Variants in SYCP2 observed in about 807,000 individuals in gnomAD.
The protein encoded by SYCP2 is synaptonemal complex lateral element protein.
Under a neutral mutation model 211.3 loss-of-function variants are expected in SYCP2, and 55 were observed. That is an observed-to-expected ratio of 0.26 (90% CI 0.21 to 0.33). SYCP2 has a LOEUF of 0.33. Ranked by LOEUF, SYCP2 falls within the 10% of genes least tolerant of loss-of-function variation. The pLI, the probability that SYCP2 is intolerant of heterozygous loss-of-function variation, is 1.00. For missense variants in SYCP2, 1,731 were observed against 1,752.0 expected (o/e 0.99, Z 0.21); for synonymous variants, 570 against 555.2 (o/e 1.03, Z -0.37).
chr20:59,913,071 CAG>C (rs553146655), intron 12 of SYCP2, among the ~76,000 whole-genome samples: 89 of 152,278 alleles, frequency 5.8e-4, no homozygotes, highest in African/African-American at 2.0e-3. Flanking sequence ...CAAATATGAG[CAG>C]AGTTTCCTAA....
At chr20:59,899,414 G>A (rs1445929742) in intron 18 of SYCP2, among the ~76,000 whole-genome samples, 4 of 152,174 alleles carry the variant, frequency 2.6e-5, no homozygotes, top group Admixed American at 2.0e-4. Flanking sequence ...TAGAGATGCA[G>A]CTATAGAATT....
chr20:59,907,593 G>A (rs936766221), intron 14 of SYCP2, among the ~76,000 whole-genome samples, 169 bp from the exon 15 acceptor site: 9 of 151,376 alleles, frequency 5.9e-5, no homozygotes, highest in African/African-American at 1.9e-4. Context: ...TATTACACAT[G>A]TTATATTTAA....
chr20:59,933,320 A>G (rs1601028652), intron 1 of SYCP2: 1 of 150,814 alleles, frequency 6.6e-6, no homozygotes, highest in African/African-American at 2.4e-5. Context: ...GCTGATGGGG[A>G]GCCTCGCGCC....
At position 59,893,105 on chromosome 20, in the gene SYCP2, T is replaced by C. The variant is rs371794787; in HGVS notation, c.1793+37A>G. ...TTACATTCACTGAAAACAGCATTAG[T>C]ATAGACTAAATGATTTGATGGTTTT... On this transcript the variant is annotated intron_variant, in intron 22 of 44. Coordinates refer to ENST00000357552, the MANE Select transcript of SYCP2 (RefSeq NM_014258.4). The C allele has an allele frequency of 1.1e-4, 156 of 1,419,296 alleles. No homozygotes were observed. The African/African-American group carries it at 2.1e-3, about 19-fold the overall frequency. 87.9% of individuals were successfully genotyped at this position (1,419,296 alleles called of 1,614,324 possible). A position where few individuals can be genotyped will look rare whatever the true frequency, so the allele number is the denominator to read the frequency against.
At chr20:59,924,336 G>C (rs141725732) in intron 2 of SYCP2, among the ~76,000 whole-genome samples, 81 of 152,016 alleles carry the variant, frequency 5.3e-4, no homozygotes, top group African/African-American at 1.9e-3. Context: ...GGGTCTTCAT[G>C]TTCTTATGAG....
chr20:59,869,649 C>A (rs1194553998), intron 36 of SYCP2, 149 bp downstream of exon 36: 13 of 463,210 alleles, frequency 2.8e-5, no homozygotes, highest in Non-Finnish European at 2.6e-5. Flanking sequence ...ATGATCAAGC[C>A]ATTCTATATA....
At chr20:59,913,942 A>T in intron 12 of SYCP2, 33 bp downstream of exon 12, 1 of 1,528,558 alleles carries the variant, frequency 6.5e-7, no homozygotes, top group African/African-American at 1.4e-5. Context: ...TATTTATTTG[A>T]CAGTAAATGG....
chr20:59,873,029 T>C (rs1417668974), intron 35 of SYCP2, among the ~76,000 whole-genome samples: 2 of 152,104 alleles, frequency 1.3e-5, no homozygotes, highest in South Asian at 2.1e-4. Context: ...ATGTATCACA[T>C]TATATGTATC....
In SYCP2 at chr20:59,875,482, A is replaced by G. The variant is rs374055727; in HGVS notation, c.3151-13T>C. 1.7e-5 allele frequency: 27 copies of G among 1,589,082 alleles called. No individual in the cohort carries two copies. Among genetic ancestry groups the G allele is most frequent in the Non-Finnish European group, 1.6e-5 (19 of 1,165,634 alleles). ...GGATATTCTCCTCCTAAATGTATCAATAACTTTCAAATTATACTCAAGTAC... is the reference window on the plus strand; with the variant it reads ...GGATATTCTCCTCCTAAATGTATCAGTAACTTTCAAATTATACTCAAGTAC... On this transcript the variant is annotated splice_polypyrimidine_tract_variant and intron_variant, in intron 33 of 44. Transcript: ENST00000357552.
chr20:59,895,662 T>C (rs1217348186), intron 19 of SYCP2, 65 bp from the exon 20 acceptor site: 3 of 1,561,228 alleles, frequency 1.9e-6, no homozygotes, highest in South Asian at 2.3e-5. Context: ...TGAGGTACTT[T>C]TCCAATGAGA....
chr20:59,868,668 T>G, intron 37 of SYCP2, 100 bp from the exon 38 acceptor site: 1 of 1,358,556 alleles, frequency 7.4e-7, no homozygotes, highest in Non-Finnish European at 9.8e-7. Flanking sequence ...TTCCACTAAG[T>G]ATTTTTATTA....
chr20:59,877,823 G>A (rs2145651119), intron 32 of SYCP2, among the ~76,000 whole-genome samples, 185 bp downstream of exon 32: 1 of 151,874 alleles, frequency 6.6e-6, no homozygotes, highest in Non-Finnish European at 1.5e-5. Flanking sequence ...TAAAAGCACA[G>A]AATAAAATGG....
At chr20:59,899,566 A>C (rs1267691085) in intron 18 of SYCP2, among the ~76,000 whole-genome samples, 1 of 152,178 alleles carries the variant, frequency 6.6e-6, no homozygotes, top group Non-Finnish European at 1.5e-5. Flanking sequence ...GTATGGAGAG[A>C]AAGTTTTTCT....
intron 2 of SYCP2, among the ~76,000 whole-genome samples, chr20:59,929,859 A>G (rs924087872): frequency 2.0e-5 from 3 of 152,078 alleles, no homozygotes; most frequent in Non-Finnish European, 4.4e-5. Context: ...AGAGAATTTT[A>G]ATTATTTATT....
chr20:59,916,694 C>A (rs562124343), intron 7 of SYCP2, 123 bp from the exon 8 acceptor site: 2 of 631,274 alleles, frequency 3.2e-6, no homozygotes, highest in Admixed American at 5.6e-5. Context: ...AATCCTAGCA[C>A]TTTGGAAGGC....
intron 7 of SYCP2, 123 bp downstream of exon 7, chr20:59,919,035 G>T: frequency 2.0e-6 from 1 of 502,566 alleles, no homozygotes. Context: ...GTAAAAGTTT[G>T]TTGATCCTTG....
chr20:59,880,492 T>TG, intron 30 of SYCP2, 21 bp from the exon 31 acceptor site: 1 of 1,439,506 alleles, frequency 6.9e-7, no homozygotes, highest in Non-Finnish European at 9.4e-7. Context: ...AAGTTTGAAA[T>TG]GCATGAAGAA....
chr20:59,917,929 C>T (rs1281116548), intron 7 of SYCP2, among the ~76,000 whole-genome samples: 2 of 152,212 alleles, frequency 1.3e-5, no homozygotes, highest in Non-Finnish European at 2.9e-5. Flanking sequence ...TATTACTCAC[C>T]AGCAAGTGCT....
intron 14 of SYCP2, 33 bp downstream of exon 14, chr20:59,911,713 TATAC>T (rs780127656): frequency 2.2e-5 from 22 of 994,298 alleles, no homozygotes; most frequent in Non-Finnish European, 3.1e-5. Context: ...TATATATGCA[TATAC>T]ATAAAGAATA....
Sources: gnomAD v4.1 joint callset for allele counts (sites outside exome capture counted in the v4.1 genomes callset) on GRCh38, gnomAD v4.1.1 for gene constraint, MANE v1.5 for transcripts, NCBI Gene and HGNC (gene_info 2026-07-23, HGNC 2026-07-21) for gene names.